Variants in TLR5 observed in about 807,000 individuals in gnomAD.
The protein encoded by TLR5 is toll like receptor 5.
For missense variants in TLR5, 944 were observed against 999.8 expected (o/e 0.94, Z 0.75); for synonymous variants, 373 against 384.4 (o/e 0.97, Z 0.35).
At chr1:223,127,897 AAGC>A (rs898510793) in intron 5 of TLR5, 3 of 152,462 alleles carry the variant, frequency 2.0e-5, no homozygotes, top group South Asian at 2.1e-4. Flanking sequence ...GTCCGGGAAC[AAGC>A]AGCAGCAGCA....
In TLR5 at chr1:223,117,145, C is replaced by T. The variant is rs561513437; in HGVS notation, c.-4-4110G>A. On this transcript the variant is annotated intron_variant, in intron 5 of 5. Transcript: ENST00000642603. ...CCCGTCGAGAATTCGAGTGTGGCGC[C>T]GGCGGGGCCGGCAGTGCTGGGGGAC... is the stretch of plus-strand genomic sequence containing the variant. Among the ~76,000 whole-genome samples the T allele has an allele frequency of 3.9e-4, 60 of 152,230 alleles. No homozygotes were observed. The Middle Eastern group carries it at 0.01, about 26-fold the overall frequency.
chr1:223,136,311 G>C (rs1186477503), intron 3 of TLR5, among the ~76,000 whole-genome samples: 1 of 152,230 alleles, frequency 6.6e-6, no homozygotes, highest in Non-Finnish European at 1.5e-5. Context: ...GAGTGGACCA[G>C]ATGGGGGAGC....
At chr1:223,119,948 AAAAAT>A (rs1158997556) in intron 5 of TLR5, among the ~76,000 whole-genome samples, 6 of 45,888 alleles carry the variant, frequency 1.3e-4, no homozygotes, top group South Asian at 1.3e-3. Flanking sequence ...AGACTGTCTC[AAAAAT>A]AAAATAAAAT....
chr1:223,114,925 A>C (rs1656551788), intron 5 of TLR5, among the ~76,000 whole-genome samples: 1 of 152,098 alleles, frequency 6.6e-6, no homozygotes, highest in Non-Finnish European at 1.5e-5. Context: ...GCCACCTCCC[A>C]AGCCTATCCA....
intron 5 of TLR5, chr1:223,127,487 C>G (rs1657216607): frequency 6.6e-6 from 1 of 152,154 alleles, no homozygotes; most frequent in Non-Finnish European, 1.5e-5. Flanking sequence ...AGGACAAATA[C>G]ATTCTCTAGC....
chr1:223,124,489 C>T (rs1353290327), intron 5 of TLR5, among the ~76,000 whole-genome samples: 2 of 152,040 alleles, frequency 1.3e-5, no homozygotes, highest in African/African-American at 2.4e-5. Flanking sequence ...TTGGAGCCCC[C>T]TTAAGGTAGC....
Position 223,115,976 on chromosome 1 carries a change from T to C in TLR5, c.-4-2941A>G, listed in dbSNP as rs151199574. 1.2e-3 allele frequency among the ~76,000 whole-genome samples: 185 copies of C among 152,332 alleles called. 1 individual carries two copies. The highest frequency in any genetic ancestry group is 4.1e-3 in the African/African-American group (172 of 41,580). On this transcript the variant is annotated intron_variant, in intron 5 of 5. Transcript: ENST00000642603. ...ACCTTCGCAAGTGCTGCTTCCTTCA[T>C]GTGAACCCTCTTCTCTCTGCTCTTA...
chr1:223,124,430 C>T (rs1657081241), intron 5 of TLR5, among the ~76,000 whole-genome samples: 1 of 129,158 alleles, frequency 7.7e-6, no homozygotes, highest in Non-Finnish European at 1.6e-5. Context: ...GCGACAAGAG[C>T]AAGACTCCGT....
At position 223,110,885 on chromosome 1, in the gene TLR5, T is replaced by A. The variant is rs754065756; in HGVS notation, c.2147A>T (p.Asp716Val). 6.2e-7 allele frequency: 1 copy of A among 1,614,258 alleles called. No homozygotes were observed. Among genetic ancestry groups the A allele is most frequent in the Non-Finnish European group, 8.5e-7 (1 of 1,180,052 alleles). ...WVQNALLKHL[D>V]TQYSDQNRFN... The stretch of plus-strand genomic sequence containing the variant: ...TCTGTTTTGGTCACTGTATTGAGTG[T>A]CCAGGTGTTTGAGCAAAGCATTCTG... Residue 716 changes from aspartate to valine, a missense_variant, in exon 6 of 6, where the codon GAC (aspartate) becomes GTC (valine). Asp to Val is a radical substitution (Grantham distance 152, BLOSUM62 -3). Transcript: ENST00000642603.
Position 223,117,927 on chromosome 1 carries a change from C to A in TLR5, c.-4-4892G>T, listed in dbSNP as rs187791438. Among the ~76,000 whole-genome samples, 74 of 152,304 alleles carry A rather than the reference C, an allele frequency of 4.9e-4. No individual in the cohort carries two copies. In the East Asian group the frequency reaches 0.011, roughly 23 times the overall value. On this transcript the variant is annotated intron_variant, in intron 5 of 5. Coordinates refer to ENST00000642603, the MANE Select transcript of TLR5 (RefSeq NM_003268.6). ...TGTGATTCTCCACACAGGCACTGGC[C>A]ATCATGAAGTGATTTTCCGAAATGG...
At chr1:223,134,111 A>G (rs1558132463) in intron 4 of TLR5, among the ~76,000 whole-genome samples, 1 of 152,216 alleles carries the variant, frequency 6.6e-6, no homozygotes, top group Non-Finnish European at 1.5e-5. Context: ...ATAAAATCAC[A>G]GCAATAAGTT....
rs1657381161 is a variant in TLR5 at position 223,131,135 on chromosome 1, G to A, written c.-5+1340C>T. ...CACCCCTCACTTACTATCTGAGGGG[G>A]CTTCCTAGGGCATGACTCTGATTAG... On this transcript the variant is annotated intron_variant, in intron 5 of 5. Coordinates refer to ENST00000642603, the MANE Select transcript of TLR5 (RefSeq NM_003268.6). This position sits in a 1 kb window ranked among gnomAD's most constrained non-coding sequence, Gnocchi z 4.2. 6.6e-6 allele frequency among the ~76,000 whole-genome samples: 1 copy of A among 152,080 alleles called. No homozygotes were observed.
rs1657436691 is a variant in TLR5 at position 223,132,514 on chromosome 1, TTC to T, written c.-46_-45del. 6.6e-6 allele frequency: 1 copy of T among 152,310 alleles called. No homozygotes were observed. The highest frequency in any genetic ancestry group is 6.5e-5 in the Admixed American group (1 of 15,276). 9.4% of individuals were successfully genotyped at this position (152,310 alleles called of 1,614,324 possible). On this transcript the variant is annotated 5_prime_UTR_variant, in exon 5 of 6. Coordinates refer to ENST00000642603, the MANE Select transcript of TLR5 (RefSeq NM_003268.6). The stretch of plus-strand genomic sequence containing the variant: ...AGAAGGGACTTCTAGTATGTTCTTA[TTC>T]TAGGGGCAGAGGGTCCCTGGTTGTT...
intron 5 of TLR5, among the ~76,000 whole-genome samples, chr1:223,120,265 C>T (rs1330906933): frequency 1.3e-4 from 20 of 152,072 alleles, no homozygotes; most frequent in Admixed American, 1.3e-3. Context: ...CTTTCTAAAG[C>T]CTGCTACCTG....
chr1:223,113,911 C>G (rs1656498087), intron 5 of TLR5, among the ~76,000 whole-genome samples: 2 of 152,202 alleles, frequency 1.3e-5, no homozygotes, highest in Admixed American at 1.3e-4. Flanking sequence ...CCACAGAAAG[C>G]TCGGCTGATG....
chr1:223,117,665 C>T (rs951635778), intron 5 of TLR5, among the ~76,000 whole-genome samples: 16 of 151,728 alleles, frequency 1.1e-4, no homozygotes, highest in African/African-American at 2.2e-4. Context: ...TGGATCTGTT[C>T]GAGGACCTTT....
Position 223,131,234 on chromosome 1 carries a change from C to G in TLR5, c.-5+1241G>C, listed in dbSNP as rs1657384113. ...GACCTCAGGGTCCCCACCACAGACT[C>G]TAAGTGAATTCTGGAATGGTTGACT... On this transcript the variant is annotated intron_variant, in intron 5 of 5. Coordinates refer to ENST00000642603, the MANE Select transcript of TLR5 (RefSeq NM_003268.6). This position sits in a 1 kb window ranked among gnomAD's most constrained non-coding sequence, Gnocchi z 4.2. 6.6e-6 allele frequency among the ~76,000 whole-genome samples: 1 copy of G among 152,254 alleles called. No individual in the cohort carries two copies. The highest frequency in any genetic ancestry group is 1.5e-5 in the Non-Finnish European group (1 of 68,046).
intron 3 of TLR5, among the ~76,000 whole-genome samples, chr1:223,135,267 G>A (rs377267935): frequency 1.3e-5 from 2 of 152,200 alleles, no homozygotes; most frequent in African/African-American, 4.8e-5. Flanking sequence ...AGCAGGGACA[G>A]GTGAGGCTGG....
intron 5 of TLR5, among the ~76,000 whole-genome samples, chr1:223,117,239 G>C (rs1656711314): frequency 6.6e-6 from 1 of 152,054 alleles, no homozygotes; most frequent in South Asian, 2.1e-4. Context: ...CTCCGAGTTA[G>C]GGCCTGCCAA....
Sources: gnomAD v4.1 joint callset for allele counts (sites outside exome capture counted in the v4.1 genomes callset) on GRCh38, gnomAD v4.1.1 for gene constraint, Gnocchi (gnomAD v3.1) non-coding constraint, MANE v1.5 for transcripts, NCBI Gene and HGNC (gene_info 2026-07-23, HGNC 2026-07-21) for gene names.